Variants in SMYD3 observed in about 807,000 individuals in gnomAD.
The protein encoded by SMYD3 is histone-lysine N-methyltransferase SMYD3.
SMYD3 carries 36 observed loss-of-function variants against 57.7 expected under a neutral mutation model. The ratio of observed to expected loss-of-function variants is 0.62; its 90% CI spans 0.48 to 0.82. The LOEUF (loss-of-function observed/expected upper bound fraction) is 0.82. Ranked by LOEUF, SMYD3 falls within the 40% of genes least tolerant of loss-of-function variation. The pLI is 0.00. For missense variants in SMYD3, 515 were observed against 538.8 expected (o/e 0.96, Z 0.44); for synonymous variants, 211 against 195.0 (o/e 1.08, Z -0.68).
chr1:246,427,296 G>A (rs1437813731), intron 1 of SMYD3, among the ~76,000 whole-genome samples: 2 of 151,952 alleles, frequency 1.3e-5, no homozygotes, highest in Non-Finnish European at 2.9e-5. Context: ...CGAGGCGGGC[G>A]GATCACGAGG....
At chr1:246,454,896 C>T (rs1261859785) in intron 1 of SMYD3, among the ~76,000 whole-genome samples, 1 of 152,150 alleles carries the variant, frequency 6.6e-6, no homozygotes, top group Admixed American at 6.6e-5. Flanking sequence ...GCTCTGTAGT[C>T]ACCTCTATTT....
chr1:246,309,998 G>T (rs1054441917), intron 5 of SMYD3, among the ~76,000 whole-genome samples: 4 of 151,994 alleles, frequency 2.6e-5, no homozygotes, highest in African/African-American at 9.7e-5. Context: ...TCCACAAAAA[G>T]GTTCATAATA....
chr1:246,104,289 A>C (rs1478102808), intron 5 of SMYD3, among the ~76,000 whole-genome samples: 3 of 152,238 alleles, frequency 2.0e-5, no homozygotes, highest in Admixed American at 1.3e-4. Context: ...AACATAAAAT[A>C]CTTTGAAAAC....
chr1:245,836,362 C>T (rs2050106641), intron 10 of SMYD3, among the ~76,000 whole-genome samples: 1 of 152,212 alleles, frequency 6.6e-6, no homozygotes, highest in Non-Finnish European at 1.5e-5. Flanking sequence ...CCTTCCCATC[C>T]TCCGTGCGGT....
intron 5 of SMYD3, among the ~76,000 whole-genome samples, chr1:246,110,576 G>A (rs1221248460): frequency 2.0e-5 from 3 of 152,210 alleles, no homozygotes; most frequent in Non-Finnish European, 4.4e-5. Flanking sequence ...CAAGCAAGCT[G>A]AGCTGTGTCC....
intron 5 of SMYD3, chr1:245,930,219 T>G: frequency 2.1e-6 from 1 of 477,348 alleles, no homozygotes; most frequent in South Asian, 1.7e-5. Context: ...TCAGTCTCAT[T>G]ATCCACTACC....
rs1483654121 is a variant in SMYD3, at chr1:245,932,220, G to A, written c.532-2283C>T. Among the ~76,000 whole-genome samples, 5 of 152,108 alleles carry A rather than the reference G, an allele frequency of 3.3e-5. No homozygotes were observed. In the East Asian group the frequency reaches 9.7e-4, roughly 29 times the overall value. On this transcript the variant is annotated intron_variant, in intron 5 of 11. Coordinates refer to ENST00000490107, the MANE Select transcript of SMYD3 (RefSeq NM_001167740.2). ...AATCAAACCAGCATGGTTTTTTCCTGGACTATGAAGCAAATTAACGGTTTT... is the reference window on the plus strand; with the variant it reads ...AATCAAACCAGCATGGTTTTTTCCTAGACTATGAAGCAAATTAACGGTTTT...
At chr1:246,443,642 C>T (rs1298017861) in intron 1 of SMYD3, among the ~76,000 whole-genome samples, 4 of 152,162 alleles carry the variant, frequency 2.6e-5, no homozygotes, top group Admixed American at 6.5e-5. Flanking sequence ...AGGAACCTAA[C>T]ACCAATTTTT....
chr1:245,988,874 T>A (rs1381318506), intron 5 of SMYD3, among the ~76,000 whole-genome samples: 1 of 152,372 alleles, frequency 6.6e-6, no homozygotes, highest in East Asian at 1.9e-4. Context: ...GTATGACACA[T>A]CAGCCTGAGA....
At chr1:246,249,848 A>G (rs191126017) in intron 5 of SMYD3, among the ~76,000 whole-genome samples, 1 of 152,322 alleles carries the variant, frequency 6.6e-6, no homozygotes, top group African/African-American at 2.4e-5. Context: ...CTCAAAAGTT[A>G]TTTCCCCACT....
chr1:246,265,331 G>T (rs764960159), intron 5 of SMYD3, among the ~76,000 whole-genome samples: 15 of 151,708 alleles, frequency 9.9e-5, no homozygotes, highest in South Asian at 2.1e-4. Context: ...AATAGACAGG[G>T]TCTCACTTTC....
intron 10 of SMYD3, among the ~76,000 whole-genome samples, chr1:245,841,610 A>G (rs919744155): frequency 7.9e-5 from 12 of 152,244 alleles, no homozygotes; most frequent in Non-Finnish European, 1.3e-4. Flanking sequence ...AATTGGTGAA[A>G]GAACATTAAA....
At chr1:245,969,497 G>A (rs1328766350) in intron 5 of SMYD3, among the ~76,000 whole-genome samples, 1 of 152,188 alleles carries the variant, frequency 6.6e-6, no homozygotes, top group Non-Finnish European at 1.5e-5. Flanking sequence ...TTTCAGTGCT[G>A]AATTTGCCAT....
intron 5 of SMYD3, among the ~76,000 whole-genome samples, chr1:245,989,016 G>A (rs181229088): frequency 1.5e-4 from 23 of 152,336 alleles, no homozygotes; most frequent in Admixed American, 1.0e-3. Context: ...CCTTGAGGTT[G>A]TTTTTCTATG....
intron 5 of SMYD3, among the ~76,000 whole-genome samples, chr1:246,158,600 A>G (rs1461778831): frequency 6.6e-6 from 1 of 152,206 alleles, no homozygotes; most frequent in Non-Finnish European, 1.5e-5. Flanking sequence ...AAAAATATGA[A>G]AAGGTAGAAG....
chr1:246,366,074 G>A (rs1266816575), intron 1 of SMYD3, among the ~76,000 whole-genome samples: 1 of 152,084 alleles, frequency 6.6e-6, no homozygotes, highest in Admixed American at 6.6e-5. Context: ...AAAAAATAAC[G>A]AGCAGAATCA....
In SMYD3 at chr1:246,363,237, T is replaced by C. The variant is rs1466435167; in HGVS notation, c.165-8143A>G. ...GCGTCTCCGCCCGGCAGCCACCCCGTCCGGGAGGGAGGTGGGGGTTAGCCC... is the reference window on the plus strand; with the variant it reads ...GCGTCTCCGCCCGGCAGCCACCCCGCCCGGGAGGGAGGTGGGGGTTAGCCC... On this transcript the variant is annotated intron_variant, in intron 1 of 11. Coordinates refer to ENST00000490107, the MANE Select transcript of SMYD3 (RefSeq NM_001167740.2). 1.7e-4 allele frequency among the ~76,000 whole-genome samples: 25 copies of C among 148,690 alleles called. 1 individual carries two copies.
At chr1:246,279,093 T>A (rs2064390962) in intron 5 of SMYD3, among the ~76,000 whole-genome samples, 1 of 152,180 alleles carries the variant, frequency 6.6e-6, no homozygotes, top group Non-Finnish European at 1.5e-5. Context: ...CTAAGAGCAC[T>A]GGAGAACAGT....
At chr1:246,246,970 C>T (rs1369719479) in intron 5 of SMYD3, among the ~76,000 whole-genome samples, 4 of 152,024 alleles carry the variant, frequency 2.6e-5, no homozygotes, top group Admixed American at 6.6e-5. Context: ...CATATTTCTT[C>T]GTTAGTTATA....
Sources: allele counts gnomAD v4.1 joint callset (sites outside exome capture counted in the v4.1 genomes callset), GRCh38; gene constraint gnomAD v4.1.1; transcripts MANE v1.5; gene names NCBI Gene and HGNC (gene_info 2026-07-23, HGNC 2026-07-21).